CPEB1: variants seen among roughly 807,000 people sequenced by gnomAD.
CPEB1 encodes the protein cytoplasmic polyadenylation element-binding protein 1.
Under a neutral mutation model 65.8 loss-of-function variants are expected in CPEB1, and 7 were observed. The ratio of observed to expected loss-of-function variants is 0.11; its 90% CI spans 0.06 to 0.20. CPEB1 has a LOEUF of 0.20. Ranked by LOEUF, CPEB1 falls within the 10% of genes least tolerant of loss-of-function variation. The pLI is 1.00. For synonymous variants in CPEB1, 262 were observed against 260.0 expected (o/e 1.01, Z -0.08); for missense variants, 551 against 712.2 (o/e 0.77, Z 2.58).
rs955939245 is a variant in CPEB1 at position 82,629,690 on chromosome 15, T to A, written c.-97-1134A>T. 4 of 985,242 alleles carry A rather than the reference T, an allele frequency of 4.1e-6. No individual in the cohort carries two copies. In the African/African-American group the frequency reaches 7.0e-5, roughly 17 times the overall value. 61.0% of individuals were successfully genotyped at this position (985,242 alleles called of 1,614,324 possible). Reference sequence around the variant, plus strand: ...TCATCAGTTCTATTATCCTCAATTATCTTGCGGAAAACAAAAACAGACCAA... The same window carrying A: ...TCATCAGTTCTATTATCCTCAATTAACTTGCGGAAAACAAAAACAGACCAA... On this transcript the variant is annotated intron_variant, in intron 1 of 12. Coordinates refer to ENST00000684509, the MANE Select transcript of CPEB1 (RefSeq NM_001365242.1).
At chr15:82,607,604 A>T (rs937980655) in intron 3 of CPEB1, among the ~76,000 whole-genome samples, 2 of 152,128 alleles carry the variant, frequency 1.3e-5, no homozygotes, top group African/African-American at 4.8e-5. Context: ...AAAAACAAAG[A>T]CACAAAAGAC....
chr15:82,641,779 G>GTGA (rs1379071367), intron 1 of CPEB1: 1 of 151,632 alleles, frequency 6.6e-6, no homozygotes, highest in Non-Finnish European at 1.5e-5. Flanking sequence ...GAATTCAAAG[G>GTGA]TTATCCATGC....
intron 3 of CPEB1, among the ~76,000 whole-genome samples, chr15:82,587,772 C>A (rs1384539276): frequency 1.3e-5 from 2 of 151,990 alleles, no homozygotes; most frequent in African/African-American, 4.8e-5. Context: ...ATGAGCTGTC[C>A]TAAGAAAATA....
At position 82,579,175 on chromosome 15, in the gene CPEB1, T is replaced by C. The variant is rs762046142; in HGVS notation, c.272-7643A>G. ...CTCAATTTATGTCATTAAAAACTAT[T>C]TCCAGGCTAGGTGTGGTGGCTCACA... On this transcript the variant is annotated intron_variant, in intron 3 of 12. Transcript: ENST00000684509. 2.6e-5 allele frequency among the ~76,000 whole-genome samples: 4 copies of C among 152,128 alleles called. No homozygotes were observed. The East Asian group carries it at 7.7e-4, about 29-fold the overall frequency.
intron 3 of CPEB1, among the ~76,000 whole-genome samples, chr15:82,581,950 C>T (rs764579206): frequency 2.0e-5 from 3 of 152,146 alleles, no homozygotes; most frequent in Non-Finnish European, 4.4e-5. Flanking sequence ...ATGACTTAAG[C>T]CAAGCTAGCT....
At chr15:82,588,436 G>A (rs369755286) in intron 3 of CPEB1, among the ~76,000 whole-genome samples, 1 of 151,846 alleles carries the variant, frequency 6.6e-6, no homozygotes, top group African/African-American at 2.4e-5. Flanking sequence ...ATGCACAAAT[G>A]GTCAAATATA....
intron 3 of CPEB1, among the ~76,000 whole-genome samples, chr15:82,607,016 A>C (rs921026249): frequency 6.6e-6 from 1 of 152,040 alleles, no homozygotes; most frequent in African/African-American, 2.4e-5. Context: ...GAAATTAAAG[A>C]GACAAGGAAA....
chr15:82,555,303 G>A (rs1261297705), intron 6 of CPEB1, among the ~76,000 whole-genome samples: 1 of 152,236 alleles, frequency 6.6e-6, no homozygotes, highest in East Asian at 1.9e-4. Flanking sequence ...GCCAGCCTAA[G>A]ATTAAATTTA....
At chr15:82,569,981 C>T (rs1163613709) in intron 4 of CPEB1, among the ~76,000 whole-genome samples, 1 of 152,198 alleles carries the variant, frequency 6.6e-6, no homozygotes, top group Non-Finnish European at 1.5e-5. Context: ...TGATACCATA[C>T]TTCCTTGCCC....
intron 9 of CPEB1, among the ~76,000 whole-genome samples, chr15:82,550,558 G>A (rs2036057747): frequency 6.6e-6 from 1 of 152,172 alleles, no homozygotes; most frequent in South Asian, 2.1e-4. Flanking sequence ...ACACGGTCTT[G>A]GGATGAGAGG....
At chr15:82,591,082 G>C (rs193049899) in intron 3 of CPEB1, among the ~76,000 whole-genome samples, 1 of 152,102 alleles carries the variant, frequency 6.6e-6, no homozygotes, top group Non-Finnish European at 1.5e-5. Flanking sequence ...GCTCTTTGAA[G>C]AATCACTACA....
At chr15:82,557,544 T>C (rs1188649152) in intron 5 of CPEB1, 3 of 501,544 alleles carry the variant, frequency 6.0e-6, no homozygotes, top group Non-Finnish European at 1.1e-5. Flanking sequence ...GCTCAGGTCC[T>C]GCAATGTATT....
chr15:82,629,609 C>G, intron 1 of CPEB1: 3 of 985,380 alleles, frequency 3.0e-6, no homozygotes, highest in Non-Finnish European at 3.6e-6. Flanking sequence ...CAATGCCCAA[C>G]ATAAGAAGCA....
intron 3 of CPEB1, 190 bp from the exon 4 acceptor site, chr15:82,571,722 C>A (rs1264024263): frequency 2.1e-6 from 3 of 1,425,070 alleles, no homozygotes; most frequent in Non-Finnish European, 2.7e-6. Context: ...CATACAGGCC[C>A]CCTCCCCTCA....
chr15:82,628,338 T>C (rs1345945840), intron 2 of CPEB1, 26 bp downstream of exon 2: 2 of 702,780 alleles, frequency 2.8e-6, no homozygotes, highest in Admixed American at 4.0e-5. Context: ...GACATGGACC[T>C]TGGAGAAATC....
At chr15:82,596,336 G>C (rs868267209) in intron 3 of CPEB1, among the ~76,000 whole-genome samples, 2 of 152,116 alleles carry the variant, frequency 1.3e-5, no homozygotes, top group African/African-American at 4.8e-5. Flanking sequence ...ACTTGCAAAT[G>C]CAAGTATTAA....
intron 8 of CPEB1, 146 bp from the exon 9 acceptor site, chr15:82,552,762 G>T: frequency 1.1e-6 from 1 of 877,574 alleles, no homozygotes; most frequent in Non-Finnish European, 1.8e-6. Flanking sequence ...GTCGTGTTGA[G>T]TGGAAGCATT....
intron 3 of CPEB1, among the ~76,000 whole-genome samples, chr15:82,599,915 A>G (rs1247055274): frequency 6.6e-6 from 1 of 152,354 alleles, no homozygotes; most frequent in Non-Finnish European, 1.5e-5. Context: ...TAAGGGAGAC[A>G]CAAAAAAGTA....
At chr15:82,606,505 C>T (rs1401389094) in intron 3 of CPEB1, among the ~76,000 whole-genome samples, 1 of 145,408 alleles carries the variant, frequency 6.9e-6, no homozygotes, top group African/African-American at 2.6e-5. Context: ...TCAGCACATG[C>T]GCTAAGAAAA....
Sources: allele counts gnomAD v4.1 joint callset (sites outside exome capture counted in the v4.1 genomes callset), GRCh38; gene constraint gnomAD v4.1.1; transcripts MANE v1.5; gene names NCBI Gene and HGNC (gene_info 2026-07-23, HGNC 2026-07-21).